The following FAM53A variants were observed in gnomAD, a reference collection of about 807,000 sequenced individuals.
FAM53A encodes protein FAM53A.
Under a neutral mutation model 26.6 loss-of-function variants are expected in FAM53A, and 28 were observed. That is an observed-to-expected ratio of 1.05 (90% CI 0.78 to 1.45). FAM53A has a LOEUF of 1.45. Among genes scored for constraint, FAM53A ranks in the 40% most tolerant of loss-of-function variants. The pLI, the probability that FAM53A is intolerant of heterozygous loss-of-function variation, is 0.00. For missense variants in FAM53A, 650 were observed against 575.8 expected (o/e 1.13, Z -1.32); for synonymous variants, 290 against 253.1 (o/e 1.15, Z -1.38).
intron 1 of FAM53A, among the ~76,000 whole-genome samples, chr4:1,670,581 G>A (rs1714569876): frequency 6.6e-6 from 1 of 152,226 alleles, no homozygotes. Flanking sequence ...CACTGGATCT[G>A]AAATCGCGTG....
At chr4:1,615,593 G>A (rs573694049), downstream of FAM53A, among the ~76,000 whole-genome samples, 118 of 143,602 alleles carry the variant, frequency 8.2e-4, 1 homozygote, top group Middle Eastern at 0.017. Flanking sequence ...GGGCACGCAC[G>A]GAAGACAGGA....
chr4:1,596,540 G>A, the FAM53A span, among the ~76,000 whole-genome samples: 7 of 151,904 alleles, frequency 4.6e-5, no homozygotes, highest in East Asian at 3.9e-4. Flanking sequence ...CACACCACCC[G>A]AACCGGACAC....
chr4:1,649,412 C>T (rs922648417), intron 4 of FAM53A, among the ~76,000 whole-genome samples: 3 of 152,230 alleles, frequency 2.0e-5, no homozygotes, highest in Non-Finnish European at 4.4e-5. Context: ...CGTTTCTGAC[C>T]GACACTCCTT....
the FAM53A span, among the ~76,000 whole-genome samples, chr4:1,579,094 G>C: frequency 1.2e-4 from 18 of 150,822 alleles, no homozygotes; most frequent in South Asian, 3.8e-3. Flanking sequence ...TCCCAGCGCT[G>C]CTGGACGCCC....
the FAM53A span, among the ~76,000 whole-genome samples, chr4:1,595,341 C>G: frequency 1.3e-5 from 2 of 152,344 alleles, no homozygotes; most frequent in African/African-American, 4.8e-5. Context: ...GTGGCCAGGA[C>G]AGGCTCCCCA....
At chr4:1,676,707 C>T (rs1293514003) in intron 1 of FAM53A, among the ~76,000 whole-genome samples, 2 of 152,126 alleles carry the variant, frequency 1.3e-5, no homozygotes, top group African/African-American at 2.4e-5. Context: ...TGCCGCAGCG[C>T]GCCCCTCTGA....
rs143793285 is a variant in FAM53A, at chr4:1,621,340, G to A, written c.432-3229C>T. Among the ~76,000 whole-genome samples the A allele has an allele frequency of 0.016, 2,479 of 152,076 alleles. 138 individuals carry two copies. The East Asian group carries it at 0.22, about 13-fold the overall frequency. On this transcript the variant is annotated intron_variant, in intron 1 of 1. Coordinates refer to the FAM53A transcript ENST00000489029. ...GGGATGGTCTCGATCTCCTGACCTCGTGATCCACCCGCCTCGGCCTCCCAA... is the reference window on the plus strand; with the variant it reads ...GGGATGGTCTCGATCTCCTGACCTCATGATCCACCCGCCTCGGCCTCCCAA...
the FAM53A span, among the ~76,000 whole-genome samples, chr4:1,583,776 G>A: frequency 3.3e-5 from 5 of 152,322 alleles, no homozygotes; most frequent in South Asian, 2.1e-4. Flanking sequence ...ACCACCTGCC[G>A]CCAGCTTGCT....
the FAM53A span, among the ~76,000 whole-genome samples, chr4:1,606,493 TCATG>T: frequency 1.3e-5 from 2 of 152,132 alleles, no homozygotes; most frequent in Non-Finnish European, 2.9e-5. Context: ...CCCCACTGTT[TCATG>T]CAGAGGACCG....
the FAM53A span, among the ~76,000 whole-genome samples, chr4:1,589,113 A>T: frequency 1.3e-5 from 2 of 152,336 alleles, no homozygotes; most frequent in East Asian, 3.9e-4. Context: ...TGTTGCTGTC[A>T]GTCTTTAAAT....
At chr4:1,618,193 G>C (rs1265189932) in intron 1 of FAM53A, 1 of 455,612 alleles carries the variant, frequency 2.2e-6, no homozygotes, top group African/African-American at 2.0e-5. Context: ...CTGCCTCGCA[G>C]AGACAGTGAG....
the FAM53A span, among the ~76,000 whole-genome samples, chr4:1,604,351 G>A: frequency 1.1e-3 from 168 of 152,290 alleles, 4 homozygotes; most frequent in East Asian, 0.031. Flanking sequence ...GCCTACGCAG[G>A]TTGGGGTGGG....
the FAM53A span, among the ~76,000 whole-genome samples, chr4:1,600,382 C>T: frequency 6.6e-6 from 1 of 152,106 alleles, no homozygotes; most frequent in Middle Eastern, 3.2e-3. Flanking sequence ...ACCAGAAAGC[C>T]ATGTCTATAG....
Position 1,626,688 on chromosome 4 carries a change from G to A in FAM53A, c.432-8577C>T, listed in dbSNP as rs577452202. Among the ~76,000 whole-genome samples, 16 of 151,730 alleles carry A rather than the reference G, an allele frequency of 1.1e-4. No individual in the cohort carries two copies. The South Asian group carries it at 2.3e-3, about 22-fold the overall frequency. ...GCCCGGGGGGACCCGGGGAGGACCC[G>A]GGACAGTGCAGACTCTCAGCCACAG... On this transcript the variant is annotated intron_variant, in intron 1 of 1. Coordinates refer to the FAM53A transcript ENST00000489029.
rs1715558193 is a variant in FAM53A, at chr4:1,630,340, C to T, written c.432-12229G>A. 6.6e-6 allele frequency among the ~76,000 whole-genome samples: 1 copy of T among 152,244 alleles called. No homozygotes were observed. The highest frequency in any genetic ancestry group is 6.5e-5 in the Admixed American group (1 of 15,284). On this transcript the variant is annotated intron_variant, in intron 1 of 1. Coordinates refer to the FAM53A transcript ENST00000489029. The surrounding 1 kb of genome is among the most constrained non-coding windows in gnomAD (Gnocchi z 4.3). ...CCCCATGGTGTCTGCTGAGACCACT[C>T]ACCTCTGCCACTGCAGCCGAAACAG...
At chr4:1,583,318 C>T in the FAM53A span, among the ~76,000 whole-genome samples, 9 of 152,188 alleles carry the variant, frequency 5.9e-5, no homozygotes, top group African/African-American at 2.2e-4. Context: ...GGTCCCAGGT[C>T]TGCCCCATGA....
At chr4:1,632,578 G>A (rs538256039) in intron 1 of FAM53A, among the ~76,000 whole-genome samples, 3 of 152,360 alleles carry the variant, frequency 2.0e-5, no homozygotes, top group South Asian at 2.1e-4. Context: ...CATTCGTGAC[G>A]TTTTATCATC....
At chr4:1,592,154 A>G in the FAM53A span, among the ~76,000 whole-genome samples, 1 of 152,146 alleles carries the variant, frequency 6.6e-6, no homozygotes, top group African/African-American at 2.4e-5. Flanking sequence ...TCTGAGGAAG[A>G]TAAACTGGAG....
At chr4:1,610,824 G>A in the FAM53A span, among the ~76,000 whole-genome samples, 3 of 152,244 alleles carry the variant, frequency 2.0e-5, no homozygotes, top group Non-Finnish European at 2.9e-5. Context: ...GCCAGGCTCT[G>A]CGGCCACACT....
Sources: gnomAD v4.1 joint callset for allele counts (sites outside exome capture counted in the v4.1 genomes callset) on GRCh38, gnomAD v4.1.1 for gene constraint, Gnocchi (gnomAD v3.1) non-coding constraint, MANE v1.5 for transcripts, NCBI Gene and HGNC (gene_info 2026-07-23, HGNC 2026-07-21) for gene names.